PCDHGA11: variants seen among roughly 807,000 people sequenced by gnomAD.
The protein encoded by PCDHGA11 is protocadherin gamma subfamily A, 11, also known as protocadherin gamma-A11.
A neutral mutation model predicts 60.4 loss-of-function variants in PCDHGA11; 39 were observed. The observed-to-expected ratio is 0.65, with a 90% CI of 0.50 to 0.84. PCDHGA11 has a LOEUF of 0.84. Among genes scored for constraint, PCDHGA11 ranks in the 40% least tolerant of loss-of-function variants. The pLI is 0.00. For synonymous variants in PCDHGA11, 533 were observed against 510.3 expected, an observed-to-expected ratio of 1.04 and a Z score of -0.60; for missense variants, 1,165 against 1,197.7, an observed-to-expected ratio of 0.97 and a Z score of 0.40.
In PCDHGA11 at chr5:141,510,983, C is replaced by T; in HGVS notation, c.2618C>T (p.Ala873Val). The change falls in exon 4 of 4, where the codon GCC becomes GTC. Residue 873 changes from alanine to valine, a missense_variant. Transcript: ENST00000398587. The stretch of plus-strand genomic sequence containing the variant: ...GGGAGCTCCACCCTGGGAGGGGGTG[C>T]CGGCACCATGGGATTGAGCGCCCGC... ...ADGSSTLGGG[A>V]GTMGLSARYG... The T allele has an allele frequency of 6.2e-7, 1 of 1,614,162 alleles. No homozygotes were observed. The highest frequency in any genetic ancestry group is 8.5e-7 in the Non-Finnish European group (1 of 1,180,012).
rs1263728099 is a variant in PCDHGA11, at chr5:141,476,079, G to T, written c.2434-18728G>T. Reference sequence around the variant, plus strand: ...AGTTTCTCAGCGAAATCTCAGGGACGATCTGGACCCCGCTGAGAGGAACTG... The same window carrying T: ...AGTTTCTCAGCGAAATCTCAGGGACTATCTGGACCCCGCTGAGAGGAACTG... On this transcript the variant is annotated intron_variant, in intron 1 of 3. Coordinates refer to ENST00000398587, the MANE Select transcript of PCDHGA11 (RefSeq NM_018914.3). This position sits in a 1 kb window ranked among gnomAD's most constrained non-coding sequence, Gnocchi z 7.6. 3 of 1,537,560 alleles carry T rather than the reference G, an allele frequency of 2.0e-6. No homozygotes were observed. Among genetic ancestry groups the T allele is most frequent in the African/African-American group, 1.4e-5 (1 of 72,808 alleles).
At chr5:141,427,280 A>G (rs1351534612) in intron 1 of PCDHGA11, 3 of 456,834 alleles carry the variant, frequency 6.6e-6, no homozygotes, top group Non-Finnish European at 8.8e-6. Context: ...GTAAAATTAT[A>G]CTAGAAATCC....
At chr5:141,429,597 G>A (rs937301997) in intron 1 of PCDHGA11, among the ~76,000 whole-genome samples, 2 of 152,094 alleles carry the variant, frequency 1.3e-5, no homozygotes, top group Non-Finnish European at 2.9e-5. Flanking sequence ...TGTAATTCAA[G>A]TAAACTCAAT....
rs2099746025 is a variant in PCDHGA11 at position 141,493,066 on chromosome 5, T to C, written c.2434-1741T>C. On this transcript the variant is annotated intron_variant, in intron 1 of 3. Coordinates refer to ENST00000398587, the MANE Select transcript of PCDHGA11 (RefSeq NM_018914.3). This position sits in a 1 kb window ranked among gnomAD's most constrained non-coding sequence, Gnocchi z 4.3. ...AACTACAATAGTAAAAAACACAAGT[T>C]TCTCCAACTCCAGGAGCTTTTATTC... Among the ~76,000 whole-genome samples the C allele has an allele frequency of 6.6e-6, 1 of 152,202 alleles. No homozygotes were observed. Among genetic ancestry groups the C allele is most frequent in the East Asian group, 1.9e-4 (1 of 5,194 alleles).
chr5:141,504,379 G>A lies in PCDHGA11; in HGVS notation c.2493-1014G>A, dbSNP rs181617363. On this transcript the variant is annotated intron_variant, in intron 2 of 3. Transcript: ENST00000398587. ...GCTTCAGTAGGAAGCAGGTGGAGTC[G>A]CTGCCTCACAGAAGCCAGTGTGGTG... Among the ~76,000 whole-genome samples the A allele has an allele frequency of 2.4e-3, 361 of 152,206 alleles. 1 individual carries two copies. The highest frequency in any genetic ancestry group is 0.021 in the Admixed American group (315 of 15,286).
At position 141,512,047 on chromosome 5, in the gene PCDHGA11, C is replaced by T. The variant is rs1183612907; in HGVS notation, c.*874C>T. 1 of 152,722 alleles carries T rather than the reference C, an allele frequency of 6.5e-6. No individual in the cohort carries two copies. The highest frequency in any genetic ancestry group is 1.5e-5 in the Non-Finnish European group (1 of 68,120). The allele number at this position is 152,722 out of a possible 1,614,324, so 9.5% of individuals were successfully genotyped here. A position where few individuals can be genotyped will look rare whatever the true frequency, so the allele number is the denominator to read the frequency against. On this transcript the variant is annotated 3_prime_UTR_variant, in exon 4 of 4. Coordinates refer to ENST00000398587, the MANE Select transcript of PCDHGA11 (RefSeq NM_018914.3). The stretch of plus-strand genomic sequence containing the variant: ...CCTTGGAGGAGGCTCTGTATGTCCT[C>T]AGGGGACTGACAACATCCTCCAGAT...
At chr5:141,453,652 T>C (rs1302902554) in intron 1 of PCDHGA11, among the ~76,000 whole-genome samples, 1 of 152,252 alleles carries the variant, frequency 6.6e-6, no homozygotes, top group Non-Finnish European at 1.5e-5. Context: ...TTATGTCCTC[T>C]TCTTTCTTAC....
chr5:141,511,233 TACCTGC>T lies in PCDHGA11; in HGVS notation c.*64_*69del. 4 of 1,595,428 alleles carry T rather than the reference TACCTGC, an allele frequency of 2.5e-6. No individual in the cohort carries two copies. The highest frequency in any genetic ancestry group is 3.4e-6 in the Non-Finnish European group (4 of 1,170,894). ...CTCCCCAACCAGCCCAGCTTCTCCT[TACCTGC>T]ACCCAGGCCTCAGAGTTTCAGGGCT... On this transcript the variant is annotated 3_prime_UTR_variant, in exon 4 of 4. Transcript: ENST00000398587.
chr5:141,477,778 C>A lies in PCDHGA11; in HGVS notation c.2434-17029C>A. The stretch of plus-strand genomic sequence containing the variant: ...TCCTAGCCACCAACATCAGCGTGAA[C>A]ATATTTGTCACTGATCGCAATGACA... On this transcript the variant is annotated intron_variant, in intron 1 of 3. Coordinates refer to ENST00000398587, the MANE Select transcript of PCDHGA11 (RefSeq NM_018914.3). The surrounding 1 kb of genome is among the most constrained non-coding windows in gnomAD (Gnocchi z 4.9). The A allele has an allele frequency of 6.2e-7, 1 of 1,614,052 alleles. No individual in the cohort carries two copies. The highest frequency in any genetic ancestry group is 8.5e-7 in the Non-Finnish European group (1 of 1,180,040).
At position 141,432,963 on chromosome 5, in the gene PCDHGA11, C is replaced by T. The variant is rs1382354299; in HGVS notation, c.2433+9303C>T. 1.5e-5 allele frequency: 24 copies of T among 1,614,046 alleles called. 1 individual carries two copies. In the South Asian group the frequency reaches 2.3e-4, roughly 16 times the overall value. On this transcript the variant is annotated intron_variant, in intron 1 of 3. Transcript: ENST00000398587. The surrounding 1 kb of genome is among the most constrained non-coding windows in gnomAD (Gnocchi z 6.0). ...GCTTCAGGAGGCGGCTTGACAGGAG[C>T]GCCGGCGTCGCACTTTGTGGGCGTG...
At position 141,489,754 on chromosome 5, in the gene PCDHGA11, C is replaced by G; in HGVS notation, c.2434-5053C>G. 1 of 1,614,110 alleles carries G rather than the reference C, an allele frequency of 6.2e-7. No homozygotes were observed. The highest frequency in any genetic ancestry group is 8.5e-7 in the Non-Finnish European group (1 of 1,179,972). ...CACCAATACTGTGAGCTTTTACACT[C>G]TAAGCCCCAACAGCCACTTCTCTCT... On this transcript the variant is annotated intron_variant, in intron 1 of 3. Coordinates refer to ENST00000398587, the MANE Select transcript of PCDHGA11 (RefSeq NM_018914.3). The surrounding 1 kb of genome is among the most constrained non-coding windows in gnomAD (Gnocchi z 4.5).
chr5:141,485,805 T>C lies in PCDHGA11; in HGVS notation c.2434-9002T>C, dbSNP rs753916789. ...GAGAAGCAATCGGACTACCGCCTGG[T>C]GCTGACTGCTGTCGATGGAGGGAAC... On this transcript the variant is annotated intron_variant, in intron 1 of 3. Coordinates refer to ENST00000398587, the MANE Select transcript of PCDHGA11 (RefSeq NM_018914.3). The surrounding 1 kb of genome is among the most constrained non-coding windows in gnomAD (Gnocchi z 5.7). 1.2e-6 allele frequency: 2 copies of C among 1,614,198 alleles called. No individual in the cohort carries two copies. The highest frequency in any genetic ancestry group is 1.7e-6 in the Non-Finnish European group (2 of 1,180,026).
chr5:141,497,406 C>T lies in PCDHGA11; in HGVS notation c.2492+2541C>T, dbSNP rs892691245. 1.2e-4 allele frequency among the ~76,000 whole-genome samples: 19 copies of T among 152,174 alleles called. No individual in the cohort carries two copies. The East Asian group carries it at 1.5e-3, about 12-fold the overall frequency. ...AGCACCTTACCCCTGCCTCAACTCC[C>T]ATTCCATCAAATGAGAGGCTTAGTG... On this transcript the variant is annotated intron_variant, in intron 2 of 3. Transcript: ENST00000398587.
chr5:141,424,100 G>A (rs1362239131), intron 1 of PCDHGA11: 1 of 832,456 alleles, frequency 1.2e-6, no homozygotes, highest in East Asian at 1.2e-4. Flanking sequence ...TGCTATTACT[G>A]CTAATGTTCA....
intron 2 of PCDHGA11, among the ~76,000 whole-genome samples, chr5:141,495,601 G>A (rs1315613802): frequency 3.3e-5 from 5 of 152,004 alleles, no homozygotes; most frequent in South Asian, 2.1e-4. Context: ...CTTAGCTTCC[G>A]TCTTGATTGC....
intron 1 of PCDHGA11, among the ~76,000 whole-genome samples, chr5:141,461,165 TG>T (rs2099010296): frequency 6.6e-6 from 1 of 152,146 alleles, no homozygotes; most frequent in South Asian, 2.1e-4. Flanking sequence ...ATAGTGGGAT[TG>T]CTGGATTGAA....
Position 141,477,588 on chromosome 5 carries a change from G to T in PCDHGA11, c.2434-17219G>T. 1 of 1,614,152 alleles carries T rather than the reference G, an allele frequency of 6.2e-7. No individual in the cohort carries two copies. The highest frequency in any genetic ancestry group is 8.5e-7 in the Non-Finnish European group (1 of 1,180,040). ...GACCCCGACGCCCCGCAGAATGCTCGGCTTTCTTTCTTTCTCTTGGAGCAA... is the reference window on the plus strand; with the variant it reads ...GACCCCGACGCCCCGCAGAATGCTCTGCTTTCTTTCTTTCTCTTGGAGCAA... On this transcript the variant is annotated intron_variant, in intron 1 of 3. Coordinates refer to ENST00000398587, the MANE Select transcript of PCDHGA11 (RefSeq NM_018914.3). This position sits in a 1 kb window ranked among gnomAD's most constrained non-coding sequence, Gnocchi z 4.9.
In PCDHGA11 at chr5:141,432,250, A is replaced by G. The variant is rs777728825; in HGVS notation, c.2433+8590A>G. 2 of 1,614,234 alleles carry G rather than the reference A, an allele frequency of 1.2e-6. No homozygotes were observed. Among genetic ancestry groups the G allele is most frequent in the Admixed American group, 1.7e-5 (1 of 60,026 alleles). ...ATTCCCTGGCTGAGAACACCATCCA[A>G]GGGGCAAGCCTATCGTCCTACGTGT... On this transcript the variant is annotated intron_variant, in intron 1 of 3. Transcript: ENST00000398587. The surrounding 1 kb of genome is among the most constrained non-coding windows in gnomAD (Gnocchi z 6.0).
chr5:141,465,048 A>AT (rs905091014), intron 1 of PCDHGA11, among the ~76,000 whole-genome samples: 18 of 151,226 alleles, frequency 1.2e-4, no homozygotes, highest in African/African-American at 4.4e-4. Context: ...GACCCTATAT[A>AT]TTTTTTTGAA....
Sources: gnomAD v4.1 joint callset for allele counts (sites outside exome capture counted in the v4.1 genomes callset) on GRCh38, gnomAD v4.1.1 for gene constraint, Gnocchi (gnomAD v3.1) non-coding constraint, MANE v1.5 for transcripts, NCBI Gene and HGNC (gene_info 2026-07-23, HGNC 2026-07-21) for gene names.